The following THRAP3 variants were observed in gnomAD, a reference collection of about 807,000 sequenced individuals.
THRAP3 encodes the protein thyroid hormone receptor associated protein 3, also known as thyroid hormone receptor-associated protein 3.
A neutral mutation model predicts 101.0 loss-of-function variants in THRAP3; 16 were observed. The observed-to-expected ratio is 0.16, with a 90% CI of 0.11 to 0.24. THRAP3 has a LOEUF of 0.24. Ranked by LOEUF, THRAP3 falls within the 10% of genes least tolerant of loss-of-function variation. The pLI is 1.00. For synonymous variants in THRAP3, 407 were observed against 422.6 expected, an observed-to-expected ratio of 0.96 and a Z score of 0.45; for missense variants, 989 against 1,202.7, an observed-to-expected ratio of 0.82 and a Z score of 2.63.
intron 2 of THRAP3, among the ~76,000 whole-genome samples, chr1:36,261,242 C>T (rs1645441350): frequency 6.6e-6 from 1 of 151,950 alleles, no homozygotes; most frequent in African/African-American, 2.4e-5. Flanking sequence ...ACTAAAAATA[C>T]AAAAATTAGG....
At chr1:36,246,841 C>G (rs191456127) in intron 1 of THRAP3, among the ~76,000 whole-genome samples, 141 of 150,932 alleles carry the variant, frequency 9.3e-4, no homozygotes, top group Middle Eastern at 6.8e-3. Flanking sequence ...GACTCTGTCT[C>G]AAATAAATAA....
At chr1:36,208,666 AT>A in the THRAP3 span, among the ~76,000 whole-genome samples, 5 of 152,006 alleles carry the variant, frequency 3.3e-5, no homozygotes, top group South Asian at 2.1e-4. Context: ...CAACATAATA[AT>A]TTTTTTTGTT....
intron 1 of THRAP3, among the ~76,000 whole-genome samples, chr1:36,249,393 G>T (rs1429544217): frequency 6.6e-6 from 1 of 151,484 alleles, no homozygotes; most frequent in Non-Finnish European, 1.5e-5. Flanking sequence ...GGGTTTCACC[G>T]TGTTAGCCAG....
intron 2 of THRAP3, among the ~76,000 whole-genome samples, chr1:36,278,725 C>A (rs1464618228): frequency 6.6e-6 from 1 of 152,036 alleles, no homozygotes; most frequent in Non-Finnish European, 1.5e-5. Flanking sequence ...AGATCGAGAC[C>A]ATCCTGGCTA....
intron 9 of THRAP3, 112 bp from the exon 10 acceptor site, chr1:36,300,774 T>TTTC: frequency 9.4e-7 from 1 of 1,066,752 alleles, no homozygotes; most frequent in South Asian, 1.5e-5. Context: ...TCATCATCAG[T>TTTC]TTCTTCCATC....
At chr1:36,293,664 G>GTGTGTGTGTGTT (rs1259776636) in intron 7 of THRAP3, among the ~76,000 whole-genome samples, 187 bp from the exon 8 acceptor site, 4 of 151,556 alleles carry the variant, frequency 2.6e-5, no homozygotes, top group Non-Finnish European at 5.9e-5. Context: ...GTGTGTGTGT[G>GTGTGTGTGTGTT]TGTGTGTGTG....
At chr1:36,217,585 T>C in the THRAP3 span, among the ~76,000 whole-genome samples, 1 of 152,136 alleles carries the variant, frequency 6.6e-6, no homozygotes, top group Non-Finnish European at 1.5e-5. Flanking sequence ...CAAGCAAGTC[T>C]ATTGACACAA....
chr1:36,246,854 AAAT>A (rs1262895597), intron 1 of THRAP3, among the ~76,000 whole-genome samples: 1 of 151,464 alleles, frequency 6.6e-6, no homozygotes, highest in Admixed American at 6.6e-5. Context: ...ATAAATAAAT[AAAT>A]AAATAAATAA....
intron 11 of THRAP3, among the ~76,000 whole-genome samples, 185 bp from the exon 12 acceptor site, chr1:36,303,611 T>C (rs897183841): frequency 2.6e-5 from 4 of 152,204 alleles, no homozygotes; most frequent in Non-Finnish European, 5.9e-5. Context: ...CCAACTGATA[T>C]TCTCATGGAT....
At chr1:36,260,025 T>G (rs940327959) in intron 2 of THRAP3, among the ~76,000 whole-genome samples, 5 of 151,812 alleles carry the variant, frequency 3.3e-5, no homozygotes, top group Non-Finnish European at 5.9e-5. Flanking sequence ...GGTGATCACT[T>G]GAGGTCAAGA....
intron 1 of THRAP3, among the ~76,000 whole-genome samples, chr1:36,258,532 G>A (rs1184104415): frequency 6.6e-6 from 1 of 152,028 alleles, no homozygotes; most frequent in Non-Finnish European, 1.5e-5. Context: ...CTGGAGTACA[G>A]TGGCGCGATC....
At chr1:36,301,804 A>G (rs1646034036) in intron 11 of THRAP3, 108 bp downstream of exon 11, 4 of 1,354,810 alleles carry the variant, frequency 3.0e-6, no homozygotes, top group South Asian at 1.4e-5. Flanking sequence ...ATGTACGTGC[A>G]GGATTATTGC....
chr1:36,252,238 G>A (rs1368737622), intron 1 of THRAP3, among the ~76,000 whole-genome samples: 1 of 152,166 alleles, frequency 6.6e-6, no homozygotes, highest in African/African-American at 2.4e-5. Flanking sequence ...CAATTCTCCT[G>A]CCTCAGCTGC....
chr1:36,232,498 C>T (rs1257387363), intron 1 of THRAP3, among the ~76,000 whole-genome samples: 2 of 152,152 alleles, frequency 1.3e-5, no homozygotes, highest in Admixed American at 1.3e-4. Flanking sequence ...TACTATATGA[C>T]ATGATATTTA....
chr1:36,246,453 G>A (rs1313349159), intron 1 of THRAP3, among the ~76,000 whole-genome samples: 1 of 151,762 alleles, frequency 6.6e-6, no homozygotes, highest in Non-Finnish European at 1.5e-5. Flanking sequence ...GACTGGTCCC[G>A]AACTCCTGAT....
intron 1 of THRAP3, among the ~76,000 whole-genome samples, chr1:36,255,260 T>C (rs78052001): frequency 0.084 from 12,818 of 152,208 alleles, 759 homozygotes; most frequent in Middle Eastern, 0.23. Context: ...CGCCTGGTGG[T>C]TTAAAGGACT....
the THRAP3 span, among the ~76,000 whole-genome samples, chr1:36,216,495 C>CA: frequency 0.051 from 2,720 of 53,722 alleles, 173 homozygotes; most frequent in African/African-American, 0.14. Context: ...GACTCCGTCT[C>CA]AAAAAAAAAA....
At chr1:36,300,506 C>T (rs2124646093) in intron 9 of THRAP3, among the ~76,000 whole-genome samples, 1 of 152,282 alleles carries the variant, frequency 6.6e-6, no homozygotes, top group South Asian at 2.1e-4. Flanking sequence ...TGATAATATA[C>T]AAAGCTATTT....
chr1:36,282,997 T>C (rs569467460), intron 3 of THRAP3, among the ~76,000 whole-genome samples: 1 of 152,346 alleles, frequency 6.6e-6, no homozygotes, highest in South Asian at 2.1e-4. Flanking sequence ...TCTCTATAGC[T>C]GATTATTTTT....
Sources: allele counts gnomAD v4.1 joint callset (sites outside exome capture counted in the v4.1 genomes callset), GRCh38; gene constraint gnomAD v4.1.1; transcripts MANE v1.5; gene names NCBI Gene and HGNC (gene_info 2026-07-23, HGNC 2026-07-21).